FBLN1: variants seen among roughly 807,000 people sequenced by gnomAD.
FBLN1 encodes fibulin 1, also known as fibulin-1.
Under a neutral mutation model 89.7 loss-of-function variants are expected in FBLN1, and 34 were observed. The ratio of observed to expected loss-of-function variants is 0.38; its 90% confidence interval spans 0.29 to 0.50. The LOEUF is 0.50. Among genes scored for constraint, FBLN1 ranks in the 20% least tolerant of loss-of-function variants. The pLI is 0.92. For synonymous variants in FBLN1, 393 were observed against 391.3 expected, an observed-to-expected ratio of 1.00 and a Z score of -0.05; for missense variants, 777 against 988.1, an observed-to-expected ratio of 0.79 and a Z score of 2.86.
intron 14 of FBLN1, chr22:45,565,404 C>G (rs1119): frequency 0.53 from 344,717 of 645,952 alleles, 94,489 homozygotes; most frequent in Middle Eastern, 0.57. Flanking sequence ...TTCCCTGAAT[C>G]TGCCTTCTTG....
chr22:45,504,577 GC>G, intron 1 of FBLN1, among the ~76,000 whole-genome samples: 1 of 152,152 alleles, frequency 6.6e-6, no homozygotes, highest in South Asian at 2.1e-4. Flanking sequence ...AAAGGAAGGA[GC>G]CTCAGAGGCC....
At chr22:45,599,496 G>A (rs1264652801) in intron 16 of FBLN1, among the ~76,000 whole-genome samples, 1 of 152,108 alleles carries the variant, frequency 6.6e-6, no homozygotes. Flanking sequence ...CAGATGTTCT[G>A]GGGGAGAGGA....
At chr22:45,522,304 G>A (rs778147231) in intron 2 of FBLN1, among the ~76,000 whole-genome samples, 1 of 152,194 alleles carries the variant, frequency 6.6e-6, no homozygotes, top group African/African-American at 2.4e-5. Flanking sequence ...TTCTTTTGAA[G>A]TGGCTTTCTG....
chr22:45,574,466 T>C lies in FBLN1; in HGVS notation c.1698-45T>C, dbSNP rs1388375598. On this transcript the variant is annotated intron_variant, in intron 14 of 16. Transcript: ENST00000327858. This position sits in a 1 kb window ranked among gnomAD's most constrained non-coding sequence, Gnocchi z 4.1. The stretch of plus-strand genomic sequence containing the variant: ...AGACCTCGGCCCCTGTGGGAGCTGC[T>C]GTCCCAGCTTCCCCGTCAGCCTCGT... 6.2e-7 allele frequency: 1 copy of C among 1,612,746 alleles called. No homozygotes were observed. Among genetic ancestry groups the C allele is most frequent in the Admixed American group, 1.7e-5 (1 of 60,006 alleles).
rs769530432 is a variant in FBLN1 at position 45,598,023 on chromosome 22, C to T, written c.1973-2284C>T. 3.0e-4 allele frequency among the ~76,000 whole-genome samples: 46 copies of T among 152,144 alleles called. 1 individual carries two copies. The highest frequency in any genetic ancestry group is 1.9e-4 in the Non-Finnish European group (13 of 68,026). ...CTGAGCCTTTGCTGTGTCCTGGGCA[C>T]CAAGAGGTGGAGATAGGCTGTCACC... On this transcript the variant is annotated intron_variant, in intron 16 of 16. Coordinates refer to ENST00000327858, the MANE Select transcript of FBLN1 (RefSeq NM_006486.3).
chr22:45,581,675 T>A lies in FBLN1; in HGVS notation c.1972+4567T>A, dbSNP rs2089043112. On this transcript the variant is annotated intron_variant, in intron 16 of 16. Coordinates refer to ENST00000327858, the MANE Select transcript of FBLN1 (RefSeq NM_006486.3). The surrounding 1 kb of genome is among the most constrained non-coding windows in gnomAD (Gnocchi z 7.6). ...TAGTTTTTTGCAGGCCAGCCCCTCCTGTCGCACGGGCATGACCATGGGGCA... is the reference window on the plus strand; with the variant it reads ...TAGTTTTTTGCAGGCCAGCCCCTCCAGTCGCACGGGCATGACCATGGGGCA... Among the ~76,000 whole-genome samples, 1 of 152,056 alleles carries A rather than the reference T, an allele frequency of 6.6e-6. No homozygotes were observed. The highest frequency in any genetic ancestry group is 2.4e-5 in the African/African-American group (1 of 41,420).
chr22:45,526,753 C>T (rs1478902946), intron 3 of FBLN1, among the ~76,000 whole-genome samples: 1 of 152,102 alleles, frequency 6.6e-6, no homozygotes, highest in Non-Finnish European at 1.5e-5. Context: ...GGGCTCTGGC[C>T]CAGGAGAGAG....
At chr22:45,533,591 C>T (rs890833739) in intron 6 of FBLN1, among the ~76,000 whole-genome samples, 170 bp from the exon 7 acceptor site, 1 of 152,224 alleles carries the variant, frequency 6.6e-6, no homozygotes, top group African/African-American at 2.4e-5. Flanking sequence ...GAAATCACTG[C>T]TTTCGACTCC....
In FBLN1 at chr22:45,531,397, G is replaced by A; in HGVS notation, c.544+73G>A. 15 of 1,318,946 alleles carry A rather than the reference G, an allele frequency of 1.1e-5. No homozygotes were observed. The South Asian group carries it at 1.4e-4, about 12-fold the overall frequency. The allele number at this position is 1,318,946 out of a possible 1,614,324, so 81.7% of individuals were successfully genotyped here. A position where few individuals can be genotyped will look rare whatever the true frequency, so the allele number is the denominator to read the frequency against. ...GGGGCCAGCAAGGTGGCTCAGGCCT[G>A]TAATCCTAGTACTTTGGGAAGCCAA... On this transcript the variant is annotated intron_variant, in intron 5 of 16. Transcript: ENST00000327858. This position sits in a 1 kb window ranked among gnomAD's most constrained non-coding sequence, Gnocchi z 4.9.
rs2088986340 is a variant in FBLN1 at position 45,575,228 on chromosome 22, T to C, written c.1840+575T>C. On this transcript the variant is annotated intron_variant, in intron 15 of 16. Transcript: ENST00000327858. This position sits in a 1 kb window ranked among gnomAD's most constrained non-coding sequence, Gnocchi z 6.3. ...GCAGAGAGCCATTAAGCGCTGATTC[T>C]GTGACCAGCACTGGAGAATCAGGGA... 6.6e-6 allele frequency among the ~76,000 whole-genome samples: 1 copy of C among 152,160 alleles called. No individual in the cohort carries two copies. The highest frequency in any genetic ancestry group is 2.4e-5 in the African/African-American group (1 of 41,436).
At position 45,563,744 on chromosome 22, in the gene FBLN1, A is replaced by G. The variant is rs1415429821; in HGVS notation, c.1698-10767A>G. 6.6e-6 allele frequency among the ~76,000 whole-genome samples: 1 copy of G among 152,188 alleles called. No homozygotes were observed. ...TGGCCTGCTGTGGCCATGCCAGGTC[A>G]AGGAAGCGGGTCTGCTGGCCCCTGC... On this transcript the variant is annotated intron_variant, in intron 14 of 16. Transcript: ENST00000327858. The surrounding 1 kb of genome is among the most constrained non-coding windows in gnomAD (Gnocchi z 5.7).
At chr22:45,595,625 A>G (rs1160588281) in intron 16 of FBLN1, among the ~76,000 whole-genome samples, 1 of 3,966 alleles carries the variant, frequency 2.5e-4, no homozygotes, top group Non-Finnish European at 1.2e-3. Context: ...GGTGCAATGT[A>G]TTTAGGGACA....
chr22:45,546,947 C>T, intron 11 of FBLN1, 138 bp from the exon 12 acceptor site: 1 of 1,376,566 alleles, frequency 7.3e-7, no homozygotes, highest in East Asian at 2.3e-5. Flanking sequence ...TCGGCCACAC[C>T]CCCCGGGACC....
rs547579782 is a variant in FBLN1, at chr22:45,543,368, A to T, written c.1196-33A>T. On this transcript the variant is annotated intron_variant, in intron 10 of 16. Transcript: ENST00000327858. The stretch of plus-strand genomic sequence containing the variant: ...GGAGTGTGGTGCCACTGTGTTGGAC[A>T]TTGCCCTGAGTCAGCCCACCCCTCA... 3.1e-6 allele frequency: 5 copies of T among 1,608,734 alleles called. No individual in the cohort carries two copies. The East Asian group carries it at 1.1e-4, about 36-fold the overall frequency.
chr22:45,594,033 C>T (rs932597783), intron 16 of FBLN1, among the ~76,000 whole-genome samples: 1 of 152,204 alleles, frequency 6.6e-6, no homozygotes. Context: ...GGGAAGACTT[C>T]TGTGAAGACT....
rs1602211647 is a variant in FBLN1 at position 45,562,879 on chromosome 22, C to T, written c.1698-11632C>T. On this transcript the variant is annotated intron_variant, in intron 14 of 16. Transcript: ENST00000327858. This position sits in a 1 kb window ranked among gnomAD's most constrained non-coding sequence, Gnocchi z 7.8. ...TCCGCTTGCTGGACCGGCCCTAACC[C>T]TCTTCTTGTCTCTCTGCCCACTTTT... 1.2e-6 allele frequency: 2 copies of T among 1,605,750 alleles called. No individual in the cohort carries two copies. The highest frequency in any genetic ancestry group is 8.5e-7 in the Non-Finnish European group (1 of 1,175,438).
chr22:45,546,748 GGTGAA>G (rs375270174), intron 11 of FBLN1, among the ~76,000 whole-genome samples: 57 of 152,318 alleles, frequency 3.7e-4, no homozygotes, highest in African/African-American at 1.3e-3. Context: ...CCATCTTGGA[GGTGAA>G]GTGGAGAGCA....
At chr22:45,528,608 G>C (rs1219992357) in intron 4 of FBLN1, among the ~76,000 whole-genome samples, 5 of 152,252 alleles carry the variant, frequency 3.3e-5, no homozygotes, top group Admixed American at 6.5e-5. Context: ...GCTTCCCAAA[G>C]TGCTAGGATT....
At chr22:45,528,504 C>T (rs2088361301) in intron 4 of FBLN1, among the ~76,000 whole-genome samples, 1 of 152,072 alleles carries the variant, frequency 6.6e-6, no homozygotes, top group Non-Finnish European at 1.5e-5. Context: ...ACTACCACAC[C>T]TGGCTAATTT....
Sources: allele counts gnomAD v4.1 joint callset (sites outside exome capture counted in the v4.1 genomes callset), GRCh38; gene constraint gnomAD v4.1.1; non-coding constraint Gnocchi (gnomAD v3.1); transcripts MANE v1.5; gene names NCBI Gene and HGNC (gene_info 2026-07-23, HGNC 2026-07-21).